Variants in XPR1 observed in about 807,000 individuals in gnomAD.
The protein encoded by XPR1 is solute carrier family 53 member 1.
XPR1 carries 28 observed loss-of-function variants against 87.5 expected under a neutral mutation model. The ratio of observed to expected loss-of-function variants is 0.32; its 90% CI spans 0.24 to 0.44. The LOEUF (loss-of-function observed/expected upper bound fraction) is 0.44, where lower values mean the gene tolerates loss of function less well. Among genes scored for constraint, XPR1 ranks in the 20% least tolerant of loss-of-function variants. XPR1 has a pLI of 1.00. For synonymous variants in XPR1, 300 were observed against 306.1 expected (o/e 0.98, Z 0.21); for missense variants, 559 against 862.3 (o/e 0.65, Z 4.41).
At chr1:180,632,318 C>T in intron 1 of XPR1, 48 bp downstream of exon 1, 1 of 1,582,336 alleles carries the variant, frequency 6.3e-7, no homozygotes, top group Non-Finnish European at 8.6e-7. Flanking sequence ...GCCACCATCT[C>T]GCCAGTCCTG....
At chr1:180,879,376 C>G (rs1293937291) in intron 13 of XPR1, among the ~76,000 whole-genome samples, 3 of 152,188 alleles carry the variant, frequency 2.0e-5, no homozygotes, top group African/African-American at 7.2e-5. Context: ...CTCCATTAGA[C>G]CTAAAATTTA....
intron 2 of XPR1, among the ~76,000 whole-genome samples, chr1:180,764,701 C>G (rs557028195): frequency 1.3e-5 from 2 of 151,902 alleles, no homozygotes; most frequent in Non-Finnish European, 2.9e-5. Context: ...AACTCCTGAG[C>G]TCAAGTGATC....
intron 14 of XPR1, among the ~76,000 whole-genome samples, chr1:180,881,192 C>T (rs1652842673): frequency 1.3e-5 from 2 of 151,358 alleles, no homozygotes; most frequent in African/African-American, 4.9e-5. Flanking sequence ...GAGATGGAGT[C>T]TCGCTCTGTT....
chr1:180,850,088 T>C (rs1651816469), intron 11 of XPR1, among the ~76,000 whole-genome samples: 1 of 152,210 alleles, frequency 6.6e-6, no homozygotes, highest in African/African-American at 2.4e-5. Context: ...GAGTAGGTGT[T>C]TCAGAAGTAC....
chr1:180,755,607 A>G (rs1340416422), intron 2 of XPR1, among the ~76,000 whole-genome samples: 2 of 152,204 alleles, frequency 1.3e-5, no homozygotes, highest in Non-Finnish European at 2.9e-5. Context: ...AACCCTTCTG[A>G]CACCCACTTC....
At chr1:180,679,424 C>T (rs943690382) in intron 1 of XPR1, among the ~76,000 whole-genome samples, 62 of 152,112 alleles carry the variant, frequency 4.1e-4, no homozygotes, top group South Asian at 2.1e-4. Flanking sequence ...TTCTATAATG[C>T]GCAGAGCAGC....
At chr1:180,807,258 C>T (rs972786861) in intron 6 of XPR1, among the ~76,000 whole-genome samples, 2 of 152,054 alleles carry the variant, frequency 1.3e-5, no homozygotes, top group African/African-American at 2.4e-5. Flanking sequence ...AGGGTAGAAA[C>T]GAAGAAGTAA....
intron 2 of XPR1, among the ~76,000 whole-genome samples, chr1:180,729,338 A>G (rs1025593254): frequency 2.0e-5 from 3 of 152,158 alleles, no homozygotes; most frequent in South Asian, 2.1e-4. Flanking sequence ...AACATTTTAT[A>G]TTCCTTTGGG....
At chr1:180,659,321 T>G (rs368233826) in intron 1 of XPR1, among the ~76,000 whole-genome samples, 2 of 137,498 alleles carry the variant, frequency 1.5e-5, no homozygotes, top group South Asian at 5.2e-4. Flanking sequence ...GCCTGTAGTC[T>G]GTCTTCCTTC....
At chr1:180,698,441 T>A (rs1657240618) in intron 2 of XPR1, among the ~76,000 whole-genome samples, 1 of 152,200 alleles carries the variant, frequency 6.6e-6, no homozygotes, top group African/African-American at 2.4e-5. Context: ...TATTGATAGG[T>A]GAGGACTTGT....
chr1:180,651,472 A>G (rs1199633787), intron 1 of XPR1, among the ~76,000 whole-genome samples: 1 of 152,210 alleles, frequency 6.6e-6, no homozygotes, highest in African/African-American at 2.4e-5. Context: ...CCCCTGTTCC[A>G]CATTTGAACA....
chr1:180,855,747 T>C (rs1053716680), intron 11 of XPR1, among the ~76,000 whole-genome samples: 1 of 151,996 alleles, frequency 6.6e-6, no homozygotes. Context: ...AGCCTTTTCC[T>C]CTTTATTCTT....
chr1:180,804,236 C>T (rs1040685377), intron 4 of XPR1, among the ~76,000 whole-genome samples: 2 of 152,236 alleles, frequency 1.3e-5, no homozygotes, highest in South Asian at 2.1e-4. Context: ...CTCAGCCTCC[C>T]GAGTGCTGGG....
chr1:180,840,456 A>ACT (rs1558034398), intron 11 of XPR1, among the ~76,000 whole-genome samples: 1 of 151,272 alleles, frequency 6.6e-6, no homozygotes. Context: ...GGGGTGGCAT[A>ACT]CTCTGATCCT....
At chr1:180,691,837 A>T (rs960044605) in intron 2 of XPR1, among the ~76,000 whole-genome samples, 1 of 152,094 alleles carries the variant, frequency 6.6e-6, no homozygotes, top group African/African-American at 2.4e-5. Flanking sequence ...CTGTCCCTAG[A>T]TCTTTGTTGT....
intron 2 of XPR1, among the ~76,000 whole-genome samples, chr1:180,769,819 T>C (rs1648441333): frequency 6.6e-6 from 1 of 152,198 alleles, no homozygotes; most frequent in East Asian, 1.9e-4. Flanking sequence ...GGTCATGTGG[T>C]AACTCTACTT....
chr1:180,763,081 T>C (rs1481710048), intron 2 of XPR1, among the ~76,000 whole-genome samples: 1 of 152,198 alleles, frequency 6.6e-6, no homozygotes, highest in Non-Finnish European at 1.5e-5. Flanking sequence ...CCAGCTGAAA[T>C]TGTCATCAAA....
intron 1 of XPR1, among the ~76,000 whole-genome samples, chr1:180,639,109 C>T (rs988634211): frequency 1.3e-5 from 2 of 152,018 alleles, no homozygotes; most frequent in Admixed American, 6.6e-5. Context: ...CCAGCCTGGC[C>T]AACATGGTGA....
intron 11 of XPR1, among the ~76,000 whole-genome samples, chr1:180,854,443 TA>T (rs1651969016): frequency 6.6e-6 from 1 of 152,080 alleles, no homozygotes; most frequent in African/African-American, 2.4e-5. Flanking sequence ...CACTTCGGAG[TA>T]GGCAGTTAAC....
Sources: allele counts gnomAD v4.1 joint callset (sites outside exome capture counted in the v4.1 genomes callset), GRCh38; gene constraint gnomAD v4.1.1; transcripts MANE v1.5; gene names NCBI Gene and HGNC (gene_info 2026-07-23, HGNC 2026-07-21).